PDZD2: variants seen among roughly 807,000 people sequenced by gnomAD.
PDZD2 encodes PDZ domain containing 2.
In PDZD2, 90 loss-of-function variants were observed where a neutral mutation model predicts 220.7. That is an observed-to-expected ratio of 0.41 (90% CI 0.34 to 0.49). PDZD2 has a LOEUF of 0.49. PDZD2 is among the 20% of genes least tolerant of loss of function. The probability of loss-of-function intolerance (pLI) is 0.28; values close to 1 mark genes in which losing one functional copy is unlikely to be tolerated. For missense variants in PDZD2, 3,174 were observed against 3,608.5 expected (o/e 0.88, Z 3.08); for synonymous variants, 1,375 against 1,450.5 (o/e 0.95, Z 1.18).
At chr5:32,056,597 C>T (rs1018860039) in intron 10 of PDZD2, among the ~76,000 whole-genome samples, 2 of 152,068 alleles carry the variant, frequency 1.3e-5, no homozygotes, top group African/African-American at 2.4e-5. Flanking sequence ...TCCTAGCAGA[C>T]GCTATCAACA....
At chr5:31,774,469 T>G (rs913435233) in intron 1 of PDZD2, among the ~76,000 whole-genome samples, 1 of 152,104 alleles carries the variant, frequency 6.6e-6, no homozygotes, top group African/African-American at 2.4e-5. Context: ...ATCACAGCAC[T>G]TTGGGAGACT....
chr5:32,007,547 G>A (rs536195798), intron 5 of PDZD2, among the ~76,000 whole-genome samples: 13 of 152,112 alleles, frequency 8.5e-5, no homozygotes, highest in Non-Finnish European at 1.5e-4. Flanking sequence ...CTTTGAAGGT[G>A]GAACCAACGT....
At chr5:31,969,509 C>CGAA (rs1749075593) in intron 2 of PDZD2, among the ~76,000 whole-genome samples, 1 of 51,418 alleles carries the variant, frequency 1.9e-5, no homozygotes, top group African/African-American at 9.2e-5. Context: ...GCCCCCTCTC[C>CGAA]AAAAAAAAAA....
At chr5:31,670,478 G>A (rs902783091) in intron 1 of PDZD2, among the ~76,000 whole-genome samples, 3 of 152,018 alleles carry the variant, frequency 2.0e-5, no homozygotes, top group African/African-American at 7.2e-5. Context: ...GTGCAGTGGC[G>A]CGATCTCAGC....
At chr5:31,897,868 C>G (rs1457193095) in intron 2 of PDZD2, among the ~76,000 whole-genome samples, 1 of 152,104 alleles carries the variant, frequency 6.6e-6, no homozygotes, top group African/African-American at 2.4e-5. Flanking sequence ...TCCTGAGTAG[C>G]TGGGATTACA....
At chr5:32,002,243 G>A (rs944750749) in intron 5 of PDZD2, among the ~76,000 whole-genome samples, 1 of 152,068 alleles carries the variant, frequency 6.6e-6, no homozygotes, top group African/African-American at 2.4e-5. Context: ...TGAAGACTTG[G>A]CAGGAAGAGG....
At chr5:31,802,293 A>G (rs1342977633) in intron 2 of PDZD2, among the ~76,000 whole-genome samples, 1 of 152,152 alleles carries the variant, frequency 6.6e-6, no homozygotes, top group Non-Finnish European at 1.5e-5. Flanking sequence ...TTTTTTATCT[A>G]TCTGAGCTAG....
At chr5:31,722,444 T>C (rs1325965365) in intron 1 of PDZD2, among the ~76,000 whole-genome samples, 1 of 152,026 alleles carries the variant, frequency 6.6e-6, no homozygotes. Context: ...ATCTTTTATG[T>C]TTTTCCCCTT....
At chr5:31,679,345 C>G (rs1443088682) in intron 1 of PDZD2, among the ~76,000 whole-genome samples, 1 of 152,240 alleles carries the variant, frequency 6.6e-6, no homozygotes, top group Non-Finnish European at 1.5e-5. Context: ...AAAAGGTTCC[C>G]TCTCCAAAGC....
At position 31,781,750 on chromosome 5, in the gene PDZD2, G is replaced by C. The variant is rs1258999137; in HGVS notation, c.-360-17139G>C. ...TTTCTGACCTTTTCTTTCTGTTCCTGATCTTCTTTCATCCTTATAACACAG... is the reference window on the plus strand; with the variant it reads ...TTTCTGACCTTTTCTTTCTGTTCCTCATCTTCTTTCATCCTTATAACACAG... On this transcript the variant is annotated intron_variant, in intron 1 of 24. Transcript: ENST00000438447. Among the ~76,000 whole-genome samples the C allele has an allele frequency of 3.3e-5, 5 of 152,160 alleles. No homozygotes were observed. The South Asian group carries it at 1.0e-3, about 31-fold the overall frequency.
At chr5:31,962,079 G>C (rs930377375) in intron 2 of PDZD2, among the ~76,000 whole-genome samples, 1 of 152,102 alleles carries the variant, frequency 6.6e-6, no homozygotes, top group Non-Finnish European at 1.5e-5. Context: ...GCCTTGTAAG[G>C]GTCCTTTAGA....
intron 1 of PDZD2, among the ~76,000 whole-genome samples, chr5:31,750,030 T>G (rs1464907253): frequency 1.3e-5 from 2 of 152,200 alleles, no homozygotes; most frequent in Non-Finnish European, 2.9e-5. Context: ...TTTCTGGAGA[T>G]GCAAATGATT....
At chr5:31,881,917 C>T (rs1200678767) in intron 2 of PDZD2, among the ~76,000 whole-genome samples, 1 of 152,024 alleles carries the variant, frequency 6.6e-6, no homozygotes, top group Non-Finnish European at 1.5e-5. Context: ...CGGGGTTTCT[C>T]CACGTTGGCC....
chr5:31,910,529 T>C (rs1231009874), intron 2 of PDZD2, among the ~76,000 whole-genome samples: 1 of 151,636 alleles, frequency 6.6e-6, no homozygotes, highest in Non-Finnish European at 1.5e-5. Flanking sequence ...TAACTGGGAT[T>C]ACAGGCACTC....
chr5:31,983,608 C>T lies in PDZD2; in HGVS notation c.930C>T (p.Phe310=). The part of the protein sequence containing the change: ...PLTTSNDKRR[F]SKGGKTDFQS... ...CCACAAGCAATGACAAACGCCGCTTCTCAAAAGGTGGGAAGACGGACTTCC... is the reference window on the plus strand; with the variant it reads ...CCACAAGCAATGACAAACGCCGCTTTTCAAAAGGTGGGAAGACGGACTTCC... Residue 310 remains phenylalanine (F), a synonymous_variant, in exon 3 of 25, where the codon TTC becomes TTT. Coordinates refer to ENST00000438447, the MANE Select transcript of PDZD2 (RefSeq NM_178140.4). 1.2e-6 allele frequency: 2 copies of T among 1,614,180 alleles called. No homozygotes were observed. The highest frequency in any genetic ancestry group is 4.5e-5 in the East Asian group (2 of 44,884).
At chr5:31,715,210 G>GTAGAGAGGGCTTTGTA (rs1748373400) in intron 1 of PDZD2, among the ~76,000 whole-genome samples, 2 of 151,910 alleles carry the variant, frequency 1.3e-5, no homozygotes, top group Non-Finnish European at 2.9e-5. Flanking sequence ...TCCGGTCTCT[G>GTAGAGAGGGCTTTGTA]GTAGAGAGGG....
At position 32,090,638 on chromosome 5, in the gene PDZD2, T is replaced by G. The variant is rs1300911752; in HGVS notation, c.7190T>G (p.Leu2397Trp). Reference sequence around the variant, plus strand: ...GCAGCAAGGTTGTTGAGACGCAGCTTGAGTTCCTGCAGCGAAAACCAAAGC... The same window carrying G: ...GCAGCAAGGTTGTTGAGACGCAGCTGGAGTTCCTGCAGCGAAAACCAAAGC... ...DAAARLLRRS[L>W]SSCSENQSEA... Residue 2397 changes from leucine (L) to tryptophan (W), a missense_variant, in exon 20 of 25, where the codon TTG (leucine) becomes TGG (tryptophan). This residue lies in a region of PDZD2 where 631 missense variants were observed against 789.9 expected (regional missense o/e 0.80). Coordinates refer to ENST00000438447, the MANE Select transcript of PDZD2 (RefSeq NM_178140.4). The surrounding 1 kb of genome is among the most constrained non-coding windows in gnomAD (Gnocchi z 4.3). 1.2e-6 allele frequency: 2 copies of G among 1,614,066 alleles called. No homozygotes were observed. The highest frequency in any genetic ancestry group is 1.7e-6 in the Non-Finnish European group (2 of 1,179,984).
At chr5:31,674,644 G>C (rs2150119936) in intron 1 of PDZD2, among the ~76,000 whole-genome samples, 1 of 152,302 alleles carries the variant, frequency 6.6e-6, no homozygotes, top group Non-Finnish European at 1.5e-5. Flanking sequence ...TGGCTGACTG[G>C]ATGCCTCTGA....
At chr5:32,037,080 T>G in intron 6 of PDZD2, 151 bp from the exon 7 acceptor site, 1 of 606,208 alleles carries the variant, frequency 1.6e-6, no homozygotes, top group East Asian at 2.8e-5. Context: ...GCAGCTTATC[T>G]GAAGGGCTGT....
Sources: allele counts gnomAD v4.1 joint callset (sites outside exome capture counted in the v4.1 genomes callset), GRCh38; gene constraint gnomAD v4.1.1; regional missense constraint gnomAD v4.1.1; non-coding constraint Gnocchi (gnomAD v3.1); transcripts MANE v1.5; gene names NCBI Gene and HGNC (gene_info 2026-07-23, HGNC 2026-07-21).